The following GLCCI1 variants were observed in gnomAD, a reference collection of about 807,000 sequenced individuals.
GLCCI1 encodes the protein glucocorticoid-induced transcript 1 protein.
Under a neutral mutation model 52.2 loss-of-function variants are expected in GLCCI1, and 24 were observed. That is an observed-to-expected ratio of 0.46 (90% CI 0.33 to 0.65). The LOEUF is 0.65. GLCCI1 is among the 30% of genes least tolerant of loss of function. GLCCI1 has a pLI of 0.02. For synonymous variants in GLCCI1, 310 were observed against 276.5 expected, an observed-to-expected ratio of 1.12 and a Z score of -1.20; for missense variants, 704 against 701.5, an observed-to-expected ratio of 1.00 and a Z score of -0.04.
chr7:7,986,464 G>T (rs1780733575), intron 1 of GLCCI1, among the ~76,000 whole-genome samples: 1 of 151,674 alleles, frequency 6.6e-6, no homozygotes, highest in Non-Finnish European at 1.5e-5. Flanking sequence ...GGCGGCGCTT[G>T]CAGTGAGCCG....
chr7:7,981,758 A>G (rs546945828), intron 1 of GLCCI1: 2 of 331,348 alleles, frequency 6.0e-6, no homozygotes, highest in Admixed American at 4.2e-5. Context: ...ACCAAGAGTG[A>G]TTTAAAGGAG....
intron 5 of GLCCI1, among the ~76,000 whole-genome samples, chr7:8,063,131 T>C (rs1017994735): frequency 2.0e-5 from 3 of 152,086 alleles, no homozygotes; most frequent in African/African-American, 7.2e-5. Context: ...ACATCTGTTT[T>C]TTTGACTTTT....
intron 1 of GLCCI1, among the ~76,000 whole-genome samples, chr7:8,000,339 T>A: frequency 6.6e-6 from 1 of 152,182 alleles, no homozygotes; most frequent in Non-Finnish European, 1.5e-5. Flanking sequence ...ATAAATAACT[T>A]CTAGTAGTAT....
chr7:8,084,129 G>T (rs1240446854), intron 6 of GLCCI1, among the ~76,000 whole-genome samples: 1 of 152,134 alleles, frequency 6.6e-6, no homozygotes, highest in Non-Finnish European at 1.5e-5. Flanking sequence ...ACACATTTTA[G>T]TGGATTTGAA....
At chr7:8,004,538 A>T (rs1003105122) in intron 2 of GLCCI1, among the ~76,000 whole-genome samples, 1 of 152,194 alleles carries the variant, frequency 6.6e-6, no homozygotes, top group Admixed American at 6.5e-5. Context: ...TTTTGGAAGG[A>T]TCTCCAAGCT....
At chr7:8,063,100 C>G (rs183460990) in intron 5 of GLCCI1, among the ~76,000 whole-genome samples, 9 of 152,248 alleles carry the variant, frequency 5.9e-5, no homozygotes, top group East Asian at 3.9e-4. Context: ...TAAGCATTCC[C>G]TTTTCTCCAC....
Position 7,969,209 on chromosome 7 carries a change from G to T in GLCCI1, c.-142G>T. 1.5e-6 allele frequency: 1 copy of T among 654,472 alleles called. No homozygotes were observed. Among genetic ancestry groups the T allele is most frequent in the Non-Finnish European group, 2.0e-6 (1 of 506,232 alleles). 40.5% of individuals were successfully genotyped at this position (654,472 alleles called of 1,614,324 possible). ...GTGTGCGTTGGGGAGGGGGAGCCCC[G>T]AGACTCCTCCCCCACAGCGATACCC... On this transcript the variant is annotated 5_prime_UTR_variant, in exon 1 of 8. Transcript: ENST00000223145. The surrounding 1 kb of genome is among the most constrained non-coding windows in gnomAD (Gnocchi z 4.9).
At chr7:8,010,593 A>G (rs531894428) in intron 2 of GLCCI1, among the ~76,000 whole-genome samples, 20 of 152,146 alleles carry the variant, frequency 1.3e-4, no homozygotes, top group Non-Finnish European at 2.1e-4. Flanking sequence ...ATTTCAGGTT[A>G]TGTATTTTTG....
At chr7:7,987,406 C>G (rs143489930) in intron 1 of GLCCI1, among the ~76,000 whole-genome samples, 33 of 152,302 alleles carry the variant, frequency 2.2e-4, no homozygotes, top group Non-Finnish European at 3.4e-4. Flanking sequence ...ACCTTTACAT[C>G]GTACTGTCAC....
At chr7:8,082,234 T>C (rs998456089) in intron 6 of GLCCI1, among the ~76,000 whole-genome samples, 1 of 152,194 alleles carries the variant, frequency 6.6e-6, no homozygotes, top group African/African-American at 2.4e-5. Context: ...GTTGGTCATA[T>C]GGGTTGTTTT....
intron 1 of GLCCI1, among the ~76,000 whole-genome samples, chr7:7,992,651 G>A (rs535302859): frequency 1.3e-5 from 2 of 152,058 alleles, no homozygotes; most frequent in South Asian, 2.1e-4. Flanking sequence ...ATAGTTTTTA[G>A]TATTTTTTGT....
At chr7:8,017,381 G>A (rs147118734) in intron 2 of GLCCI1, among the ~76,000 whole-genome samples, 4 of 152,248 alleles carry the variant, frequency 2.6e-5, no homozygotes, top group Admixed American at 6.5e-5. Flanking sequence ...TGCAGATTCC[G>A]TATCTTATTG....
chr7:8,038,397 G>T (rs1187594144), intron 3 of GLCCI1, among the ~76,000 whole-genome samples: 1 of 152,122 alleles, frequency 6.6e-6, no homozygotes, highest in African/African-American at 2.4e-5. Flanking sequence ...ACCCAAAACA[G>T]AATGCTACTG....
At chr7:8,047,480 TG>T (rs1259805128) in intron 3 of GLCCI1, among the ~76,000 whole-genome samples, 2 of 152,224 alleles carry the variant, frequency 1.3e-5, no homozygotes, top group Non-Finnish European at 2.9e-5. Context: ...ACCGTTAATT[TG>T]CACCCATTTA....
chr7:8,070,555 AT>A (rs563554875), intron 5 of GLCCI1: 217 of 159,158 alleles, frequency 1.4e-3, no homozygotes, highest in South Asian at 2.2e-3. Flanking sequence ...AGTCAAAGTG[AT>A]TTTTTTTTTA....
intron 7 of GLCCI1, among the ~76,000 whole-genome samples, chr7:8,085,834 T>C (rs984905803): frequency 1.3e-5 from 2 of 152,222 alleles, no homozygotes; most frequent in African/African-American, 4.8e-5. Context: ...GAATGCCCCC[T>C]GCCTCTGGTA....
At chr7:8,010,960 A>G (rs937164566) in intron 2 of GLCCI1, among the ~76,000 whole-genome samples, 12 of 151,886 alleles carry the variant, frequency 7.9e-5, no homozygotes, top group African/African-American at 1.9e-4. Context: ...GGTAAAATAT[A>G]TATAACATGC....
chr7:7,999,286 G>T (rs1242019635), intron 1 of GLCCI1, among the ~76,000 whole-genome samples: 1 of 152,110 alleles, frequency 6.6e-6, no homozygotes, highest in Non-Finnish European at 1.5e-5. Flanking sequence ...CTCATTTATA[G>T]ATTGTTTATA....
chr7:8,003,516 A>G (rs1257097761), intron 1 of GLCCI1, among the ~76,000 whole-genome samples: 1 of 152,200 alleles, frequency 6.6e-6, no homozygotes, highest in East Asian at 1.9e-4. Context: ...ACAATGACTA[A>G]CCATGGAAAT....
Sources: gnomAD v4.1 joint callset for allele counts (sites outside exome capture counted in the v4.1 genomes callset) on GRCh38, gnomAD v4.1.1 for gene constraint, Gnocchi (gnomAD v3.1) non-coding constraint, MANE v1.5 for transcripts, NCBI Gene and HGNC (gene_info 2026-07-23, HGNC 2026-07-21) for gene names.